The following CEACAM5 variants were observed in gnomAD, a reference collection of about 807,000 sequenced individuals.
CEACAM5 encodes the protein cell adhesion molecule CEACAM5.
A neutral mutation model predicts 63.0 loss-of-function variants in CEACAM5; 52 were observed. That is an observed-to-expected ratio of 0.83 (90% CI 0.66 to 1.04). CEACAM5 has a LOEUF of 1.04. CEACAM5 is among the 50% of genes least tolerant of loss of function. The pLI, the probability that CEACAM5 is intolerant of heterozygous loss-of-function variation, is 0.00. For missense variants in CEACAM5, 790 were observed against 864.8 expected, an observed-to-expected ratio of 0.91 and a Z score of 1.08; for synonymous variants, 357 against 351.3, an observed-to-expected ratio of 1.02 and a Z score of -0.18.
intron 7 of CEACAM5, 135 bp from the exon 8 acceptor site, chr19:41,720,787 A>G: frequency 8.5e-7 from 1 of 1,175,660 alleles, no homozygotes; most frequent in Non-Finnish European, 1.2e-6. Flanking sequence ...GGCGTGAGCC[A>G]CCGCACCCGG....
Position 41,729,637 on chromosome 19 carries a change from T to G in CEACAM5, c.*490T>G, listed in dbSNP as rs1373278176. 6.6e-6 allele frequency: 1 copy of G among 152,206 alleles called. No homozygotes were observed. Among genetic ancestry groups the G allele is most frequent in the African/African-American group, 2.4e-5 (1 of 41,458 alleles). The allele number at this position is 152,206 out of a possible 1,614,324, so 9.4% of individuals were successfully genotyped here. A position where few individuals can be genotyped will look rare whatever the true frequency, so the allele number is the denominator to read the frequency against. On this transcript the variant is annotated 3_prime_UTR_variant, in exon 10 of 10. Coordinates refer to ENST00000221992, the MANE Select transcript of CEACAM5 (RefSeq NM_004363.6). ...CAAGCAGAGAAAATAATTAATTTCA[T>G]GGGACTAAATGAACTAATGAGGATA...
intron 2 of CEACAM5, 150 bp from the exon 3 acceptor site, chr19:41,714,821 C>T (rs1406078074): frequency 1.3e-5 from 18 of 1,395,774 alleles, no homozygotes; most frequent in East Asian, 6.9e-5. Context: ...CTCAGATCAT[C>T]GTGCATCTGT....
chr19:41,725,132 A>G (rs564623643), intron 8 of CEACAM5, among the ~76,000 whole-genome samples: 3 of 152,262 alleles, frequency 2.0e-5, no homozygotes, highest in African/African-American at 4.8e-5. Flanking sequence ...GTTTCCTTCC[A>G]TTCATAATTA....
At chr19:41,710,944 G>A (rs1344580515) in intron 2 of CEACAM5, among the ~76,000 whole-genome samples, 2 of 152,160 alleles carry the variant, frequency 1.3e-5, no homozygotes, top group African/African-American at 4.8e-5. Flanking sequence ...AGGAAATTGA[G>A]GCACAGGGAG....
chr19:41,714,842 A>G (rs1472777019), intron 2 of CEACAM5, 129 bp from the exon 3 acceptor site: 9 of 1,516,256 alleles, frequency 5.9e-6, no homozygotes, highest in South Asian at 1.3e-5. Context: ...CTTGTGACAC[A>G]TGCACCCACC....
chr19:41,730,347 G>T lies in CEACAM5; in HGVS notation c.*1200G>T, dbSNP rs1474241142. ...TGAGGCAGGAGAACGGCATGAACCC[G>T]GGAGGCAGGGCTTGCAGTGAGCCAA... On this transcript the variant is annotated 3_prime_UTR_variant, in exon 10 of 10. Coordinates refer to ENST00000221992, the MANE Select transcript of CEACAM5 (RefSeq NM_004363.6). Among the ~76,000 whole-genome samples the T allele has an allele frequency of 1.3e-5, 2 of 151,336 alleles. No homozygotes were observed. Among genetic ancestry groups the T allele is most frequent in the African/African-American group, 4.9e-5 (2 of 41,046 alleles).
At chr19:41,717,754 T>C in intron 5 of CEACAM5, 21 bp downstream of exon 5, 1 of 1,610,110 alleles carries the variant, frequency 6.2e-7, no homozygotes. Context: ...TCTGTTCCTC[T>C]GTGGCTCAGG....
At chr19:41,716,284 C>T (rs1166904036) in intron 4 of CEACAM5, among the ~76,000 whole-genome samples, 2 of 152,226 alleles carry the variant, frequency 1.3e-5, no homozygotes, top group Non-Finnish European at 1.5e-5. Context: ...CTACAAGCAA[C>T]ATTCAAGGCT....
chr19:41,717,367 G>A, intron 4 of CEACAM5, 88 bp from the exon 5 acceptor site: 1 of 1,418,302 alleles, frequency 7.1e-7, no homozygotes, highest in African/African-American at 1.4e-5. Flanking sequence ...TGGGCTGAGA[G>A]GTGGGAGATG....
At chr19:41,709,537 GACAC>G (rs71334990) in intron 1 of CEACAM5, 139 bp from the exon 2 acceptor site, 142,984 of 1,103,380 alleles carry the variant, frequency 0.13, 3,608 homozygotes, top group Non-Finnish European at 0.15. Flanking sequence ...GACCTAGTAG[GACAC>G]ACACACACAC....
intron 9 of CEACAM5, among the ~76,000 whole-genome samples, chr19:41,727,976 G>T (rs552018310): frequency 6.6e-6 from 1 of 152,282 alleles, no homozygotes; most frequent in South Asian, 2.1e-4. Context: ...ATGTCAAACA[G>T]GGTGACCTCC....
In CEACAM5 at chr19:41,710,036, T is replaced by C; in HGVS notation, c.421T>C (p.Tyr141His). ...NEEATGQFRV[Y>H]PELPKPSISS... is the part of the protein sequence containing the mutation. ...AGAAGCAACTGGCCAGTTCCGGGTA[T>C]ACCGTGAGTGATTCCCCCATGACCT... is the stretch of plus-strand genomic sequence containing the variant. Residue 141 changes from tyrosine to histidine, a missense_variant, in exon 2 of 10, where the codon TAC (tyrosine) becomes CAC (histidine). By Grantham distance (83) the Tyr-to-His change is moderately conservative. Transcript: ENST00000221992. 6.3e-7 allele frequency: 1 copy of C among 1,595,316 alleles called. No individual in the cohort carries two copies. Among genetic ancestry groups the C allele is most frequent in the Non-Finnish European group, 8.5e-7 (1 of 1,170,512 alleles).
Position 41,713,367 on chromosome 19 carries a change from C to T in CEACAM5, c.425-1604C>T, listed in dbSNP as rs1357862310. Among the ~76,000 whole-genome samples, 7 of 152,058 alleles carry T rather than the reference C, an allele frequency of 4.6e-5. 1 individual carries two copies. The highest frequency in any genetic ancestry group is 4.1e-4 in the South Asian group (2 of 4,822). On this transcript the variant is annotated intron_variant, in intron 2 of 9. Transcript: ENST00000221992. ...AGGCTCACTGGAGCACTTTGGATTC[C>T]GTATTTTCAGATTTGGGGTGCTAAA...
intron 9 of CEACAM5, among the ~76,000 whole-genome samples, chr19:41,727,612 T>C (rs2072717946): frequency 6.6e-6 from 1 of 152,230 alleles, no homozygotes; most frequent in Non-Finnish European, 1.5e-5. Context: ...CAAAGCCTCT[T>C]GGTCCTTTTT....
chr19:41,710,881 G>C (rs2072425201), intron 2 of CEACAM5, among the ~76,000 whole-genome samples: 1 of 152,170 alleles, frequency 6.6e-6, no homozygotes, highest in Admixed American at 6.5e-5. Context: ...AATATTTTGA[G>C]GTTAATTCAC....
At chr19:41,714,364 G>C (rs1303830017) in intron 2 of CEACAM5, among the ~76,000 whole-genome samples, 1 of 152,150 alleles carries the variant, frequency 6.6e-6, no homozygotes, top group African/African-American at 2.4e-5. Context: ...TCAAACACCT[G>C]GGAAAAACTG....
intron 2 of CEACAM5, 64 bp downstream of exon 2, chr19:41,710,103 A>T: frequency 6.4e-7 from 1 of 1,569,330 alleles, no homozygotes; most frequent in Non-Finnish European, 8.6e-7. Context: ...ACACAGGATT[A>T]TCAGGCCTGG....
intron 7 of CEACAM5, 82 bp from the exon 8 acceptor site, chr19:41,720,840 G>C: frequency 1.3e-6 from 2 of 1,531,596 alleles, no homozygotes; most frequent in East Asian, 4.5e-5. Context: ...AGGATTCAGA[G>C]GGACACTGTG....
intron 5 of CEACAM5, 82 bp from the exon 6 acceptor site, chr19:41,718,046 G>A (rs369996045): frequency 2.6e-6 from 4 of 1,531,464 alleles, no homozygotes; most frequent in East Asian, 4.5e-5. Flanking sequence ...GGCTCAGGGG[G>A]ACACTGTTGC....
Sources: gnomAD v4.1 joint callset for allele counts (sites outside exome capture counted in the v4.1 genomes callset) on GRCh38, gnomAD v4.1.1 for gene constraint, MANE v1.5 for transcripts, NCBI Gene and HGNC (gene_info 2026-07-23, HGNC 2026-07-21) for gene names.